The following PTPRD variants were observed in gnomAD, a reference collection of about 807,000 sequenced individuals.
PTPRD encodes protein tyrosine phosphatase receptor type D, also known as receptor-type tyrosine-protein phosphatase delta.
PTPRD carries 34 observed loss-of-function variants against 214.5 expected under a neutral mutation model. That is an observed-to-expected ratio of 0.16 (90% CI 0.12 to 0.21). The LOEUF (loss-of-function observed/expected upper bound fraction) is 0.21, where lower values mean the gene tolerates loss of function less well. Ranked by LOEUF, PTPRD falls within the 10% of genes least tolerant of loss-of-function variation. The probability of loss-of-function intolerance (pLI) is 1.00; values close to 1 mark genes in which losing one functional copy is unlikely to be tolerated. For missense variants in PTPRD, 2,545 were observed against 2,398.7 expected (o/e 1.06, Z -1.27); for synonymous variants, 1,128 against 845.7 (o/e 1.33, Z -5.79).
chr9:9,420,586 T>C (rs1423609015), intron 8 of PTPRD, among the ~76,000 whole-genome samples: 2 of 151,994 alleles, frequency 1.3e-5, no homozygotes, highest in East Asian at 1.9e-4. Context: ...CAGATAGTTA[T>C]ACAAATATGT....
At chr9:8,952,674 T>A (rs1196319590) in intron 11 of PTPRD, among the ~76,000 whole-genome samples, 1 of 151,840 alleles carries the variant, frequency 6.6e-6, no homozygotes, top group Non-Finnish European at 1.5e-5. Flanking sequence ...GGCAGAGGTA[T>A]CTTTACAGGA....
At chr9:10,229,523 C>CA (rs1388765577) in intron 3 of PTPRD, among the ~76,000 whole-genome samples, 2 of 151,852 alleles carry the variant, frequency 1.3e-5, no homozygotes, top group African/African-American at 2.4e-5. Flanking sequence ...TATGCAGCCA[C>CA]AAAAAATGAT....
intron 3 of PTPRD, among the ~76,000 whole-genome samples, chr9:10,115,685 G>A (rs1414445327): frequency 5.3e-5 from 8 of 151,978 alleles, no homozygotes; most frequent in Admixed American, 5.2e-4. Flanking sequence ...AAGATTCACT[G>A]TAAATCTGTG....
chr9:9,716,194 T>A (rs1484274279), intron 7 of PTPRD, among the ~76,000 whole-genome samples: 1 of 152,238 alleles, frequency 6.6e-6, no homozygotes. Context: ...CATCATTTTT[T>A]ATGGCTGCAT....
intron 3 of PTPRD, among the ~76,000 whole-genome samples, chr9:10,167,121 C>CTT (rs141695954): frequency 0.036 from 5,323 of 147,048 alleles, 300 homozygotes; most frequent in African/African-American, 0.12. Context: ...AAAAGTAGAC[C>CTT]TTTTTTTTTT....
rs373194856 is a variant in PTPRD at position 8,544,164 on chromosome 9, C to CTTTTTTT, written c.353-15392_353-15386dup. On this transcript the variant is annotated intron_variant, in intron 14 of 45. Transcript: ENST00000381196. ...GTGCAAAAGTAAGGTTTTGCCATTA[C>CTTTTTTT]TTTTTTTTTTTTTTTTTTTTTGAGA... is the stretch of plus-strand genomic sequence containing the variant. Among the ~76,000 whole-genome samples the CTTTTTTT allele has an allele frequency of 9.1e-3, 1,008 of 111,076 alleles. 20 individuals carry two copies. The highest frequency in any genetic ancestry group is 0.023 in the African/African-American group (638 of 27,438). 72.9% of individuals were successfully genotyped at this position (111,076 alleles called of 152,430 possible).
chr9:10,339,690 G>A (rs1221896615), intron 3 of PTPRD, among the ~76,000 whole-genome samples: 1 of 151,652 alleles, frequency 6.6e-6, no homozygotes, highest in Non-Finnish European at 1.5e-5. Flanking sequence ...GGTGATTACA[G>A]CTAATGGTGT....
intron 6 of PTPRD, among the ~76,000 whole-genome samples, chr9:9,760,511 G>A (rs1165357557): frequency 6.6e-6 from 1 of 151,104 alleles, no homozygotes; most frequent in Non-Finnish European, 1.5e-5. Context: ...TTGCTTCTCA[G>A]GACTTCGGAC....
chr9:9,014,193 TTG>T (rs1323493447), intron 11 of PTPRD, among the ~76,000 whole-genome samples: 33 of 57,500 alleles, frequency 5.7e-4, no homozygotes, highest in African/African-American at 1.7e-3. Flanking sequence ...TTTTGTTTGT[TTG>T]TTTGTTTTTT....
intron 14 of PTPRD, among the ~76,000 whole-genome samples, chr9:8,552,240 A>T (rs2082323023): frequency 6.6e-6 from 1 of 152,172 alleles, no homozygotes; most frequent in Non-Finnish European, 1.5e-5. Flanking sequence ...GAAAAGGAAA[A>T]GTCACAGATC....
intron 11 of PTPRD, among the ~76,000 whole-genome samples, chr9:8,856,756 C>T (rs2097923043): frequency 1.3e-5 from 2 of 152,304 alleles, no homozygotes; most frequent in African/African-American, 4.8e-5. Flanking sequence ...GAACTACTAT[C>T]TGGAATCCTG....
At chr9:8,652,450 C>A (rs1477953193) in intron 12 of PTPRD, among the ~76,000 whole-genome samples, 2 of 152,208 alleles carry the variant, frequency 1.3e-5, no homozygotes, top group Non-Finnish European at 2.9e-5. Context: ...ATGGGCCCAG[C>A]CCCCTGCTAT....
intron 5 of PTPRD, among the ~76,000 whole-genome samples, chr9:9,935,847 C>G (rs1378369806): frequency 1.3e-5 from 2 of 149,204 alleles, no homozygotes; most frequent in South Asian, 2.1e-4. Context: ...GCTACAGTAA[C>G]CAAAACAGCA....
intron 7 of PTPRD, among the ~76,000 whole-genome samples, chr9:9,698,657 C>T (rs1024756044): frequency 1.3e-5 from 2 of 152,172 alleles, no homozygotes; most frequent in African/African-American, 4.8e-5. Flanking sequence ...TCTGCCTTCA[C>T]GCCCTCCCAA....
At chr9:9,638,732 G>A (rs2095848528) in intron 7 of PTPRD, among the ~76,000 whole-genome samples, 1 of 152,152 alleles carries the variant, frequency 6.6e-6, no homozygotes, top group Non-Finnish European at 1.5e-5. Flanking sequence ...TTCTGTCTTA[G>A]TGTGTTTGTG....
intron 3 of PTPRD, among the ~76,000 whole-genome samples, chr9:10,078,964 T>C (rs990887688): frequency 6.6e-6 from 1 of 152,164 alleles, no homozygotes; most frequent in African/African-American, 2.4e-5. Flanking sequence ...TTAAATCTAC[T>C]TTCAATCGTT....
intron 3 of PTPRD, among the ~76,000 whole-genome samples, chr9:10,047,810 A>C (rs1311772084): frequency 6.6e-6 from 1 of 152,150 alleles, no homozygotes; most frequent in Non-Finnish European, 1.5e-5. Context: ...TATTTCATCT[A>C]CCAAAGACAA....
chr9:9,864,279 C>G (rs1218050002), intron 5 of PTPRD, among the ~76,000 whole-genome samples: 3 of 151,616 alleles, frequency 2.0e-5, no homozygotes, highest in African/African-American at 7.3e-5. Flanking sequence ...GCACTCCAGC[C>G]TGGGTAACAG....
At position 8,525,031 on chromosome 9, in the gene PTPRD, G is replaced by A. The variant is rs2139199092; in HGVS notation, c.573C>T (p.Ala191=). 1 of 1,612,668 alleles carries A rather than the reference G, an allele frequency of 6.2e-7. No homozygotes were observed. Among genetic ancestry groups the A allele is most frequent in the Non-Finnish European group, 8.5e-7 (1 of 1,178,906 alleles). The change falls in exon 18 of 46, where the codon GCC becomes GCT. Residue 191 remains alanine (A), a synonymous_variant. Transcript: ENST00000381196. ...ESIGGTPIRG[A]LQIEQSEESD... ...ACTCTTCACTCTGCTCAATCTGAAGGGCTCCTGTATGGATATAAAATATAT... is the reference window on the plus strand; with the variant it reads ...ACTCTTCACTCTGCTCAATCTGAAGAGCTCCTGTATGGATATAAAATATAT...
Sources: gnomAD v4.1 joint callset for allele counts (sites outside exome capture counted in the v4.1 genomes callset) on GRCh38, gnomAD v4.1.1 for gene constraint, MANE v1.5 for transcripts, NCBI Gene and HGNC (gene_info 2026-07-23, HGNC 2026-07-21) for gene names.